Variants in WRNIP1 observed in about 807,000 individuals in gnomAD.
WRNIP1 encodes the protein WRN helicase interacting protein 1.
A neutral mutation model predicts 56.1 loss-of-function variants in WRNIP1; 41 were observed. The observed-to-expected ratio is 0.73, with a 90% CI of 0.57 to 0.95. WRNIP1 has a LOEUF of 0.95. Among genes scored for constraint, WRNIP1 ranks in the 40% least tolerant of loss-of-function variants. The probability of loss-of-function intolerance (pLI) is 0.00; values close to 1 mark genes in which losing one functional copy is unlikely to be tolerated. For missense variants in WRNIP1, 1,170 were observed against 939.4 expected, an observed-to-expected ratio of 1.25 and a Z score of -3.21; for synonymous variants, 547 against 398.1, an observed-to-expected ratio of 1.37 and a Z score of -4.45.
Position 2,765,707 on chromosome 6 carries a change from G to C in WRNIP1, c.85G>C (p.Ala29Pro). Residue 29 changes from alanine to proline, a missense_variant, in exon 1 of 7, where the codon GCC becomes CCC. Coordinates refer to ENST00000380773, the MANE Select transcript of WRNIP1 (RefSeq NM_020135.3). ...CCCCGTGTGCCAGCAGATGATGCCC[G>C]CCGCGCACATCAACTCGCACCTGGA... ...QCPVCQQMMP[A>P]AHINSHLDRC... The C allele has an allele frequency of 6.5e-7, 1 of 1,546,018 alleles. No individual in the cohort carries two copies. The highest frequency in any genetic ancestry group is 1.4e-5 in the African/African-American group (1 of 70,368).
rs776806803 is a variant in WRNIP1, at chr6:2,765,656, C to T, written c.34C>T (p.Leu12Phe). 112 of 1,546,874 alleles carry T rather than the reference C, an allele frequency of 7.2e-5. No individual in the cohort carries two copies. Among genetic ancestry groups the T allele is most frequent in the African/African-American group, 1.7e-4 (12 of 70,190 alleles). Residue 12 changes from leucine (L) to phenylalanine (F), a missense_variant, in exon 1 of 7, where the codon CTT (leucine) becomes TTT (phenylalanine). Physicochemically the swap from Leu to Phe is conservative, Grantham distance 22. Coordinates refer to ENST00000380773, the MANE Select transcript of WRNIP1 (RefSeq NM_020135.3). ...GAGCGGGCCGGAAGACGACCCCTTC[C>T]TTTCGCAGCTGCACCAGGTGCAGTG... is the stretch of plus-strand genomic sequence containing the variant. ...EVSGPEDDPF[L>F]SQLHQVQCPV...
intron 4 of WRNIP1, 141 bp downstream of exon 4, chr6:2,779,633 A>C (rs1391306376): frequency 1.2e-5 from 11 of 890,990 alleles, no homozygotes; most frequent in Middle Eastern, 3.5e-4. Flanking sequence ...GTGGATCTGC[A>C]TGTTGGTATT....
chr6:2,773,851 C>T (rs1765370220), intron 3 of WRNIP1: 2 of 983,426 alleles, frequency 2.0e-6, no homozygotes, highest in Admixed American at 6.2e-5. Context: ...CATAACTGCC[C>T]TCTGCCTAGC....
intron 1 of WRNIP1, among the ~76,000 whole-genome samples, chr6:2,767,713 G>A (rs1418706315): frequency 1.3e-5 from 2 of 152,174 alleles, no homozygotes; most frequent in African/African-American, 4.8e-5. Context: ...GCTGTTGGTG[G>A]CCCCAGACAG....
chr6:2,773,321 A>G (rs756189691), intron 3 of WRNIP1: 71 of 985,322 alleles, frequency 7.2e-5, no homozygotes, highest in Non-Finnish European at 7.8e-5. Flanking sequence ...CTAGGGGAGC[A>G]GGTCCACTTC....
intron 3 of WRNIP1, among the ~76,000 whole-genome samples, chr6:2,776,416 G>A (rs959628189): frequency 1.1e-4 from 17 of 152,196 alleles, no homozygotes; most frequent in African/African-American, 4.1e-4. Flanking sequence ...TGGACGGGGT[G>A]AAATTTAAAA....
Position 2,786,760 on chromosome 6 carries a change from C to A in WRNIP1, c.*1478C>A, listed in dbSNP as rs534757251. On this transcript the variant is annotated 3_prime_UTR_variant, in exon 7 of 7. Coordinates refer to ENST00000380773, the MANE Select transcript of WRNIP1 (RefSeq NM_020135.3). ...TTGAAGGCATCCTGATGTGTGTGGTCTTTTGTTTGTAACCTCTATCAACTT... is the reference window on the plus strand; with the variant it reads ...TTGAAGGCATCCTGATGTGTGTGGTATTTTGTTTGTAACCTCTATCAACTT... 2.0e-5 allele frequency: 3 copies of A among 152,304 alleles called. No individual in the cohort carries two copies. In the East Asian group the frequency reaches 5.8e-4, roughly 29 times the overall value. 9.4% of individuals were successfully genotyped at this position (152,304 alleles called of 1,614,324 possible).
At position 2,765,471 on chromosome 6, in the gene WRNIP1, C is replaced by A; in HGVS notation, c.-152C>A. On this transcript the variant is annotated 5_prime_UTR_variant, in exon 1 of 7. Coordinates refer to ENST00000380773, the MANE Select transcript of WRNIP1 (RefSeq NM_020135.3). ...GGACGCGGGAGCTGCGGACGTGAGG[C>A]ATGAGCGGCGCCCTCCTCCGGCCCG... 1 of 977,168 alleles carries A rather than the reference C, an allele frequency of 1.0e-6. No individual in the cohort carries two copies. Among genetic ancestry groups the A allele is most frequent in the Non-Finnish European group, 1.3e-6 (1 of 756,310 alleles). The allele number at this position is 977,168 out of a possible 1,614,324, so 60.5% of individuals were successfully genotyped here.
At chr6:2,777,702 C>G (rs1231546050) in intron 3 of WRNIP1, among the ~76,000 whole-genome samples, 1 of 152,204 alleles carries the variant, frequency 6.6e-6, no homozygotes, top group East Asian at 1.9e-4. Flanking sequence ...TCATTATCTT[C>G]TAAATCATCT....
intron 4 of WRNIP1, among the ~76,000 whole-genome samples, chr6:2,780,169 C>A (rs1370276861): frequency 6.6e-6 from 1 of 152,202 alleles, no homozygotes; most frequent in African/African-American, 2.4e-5. Context: ...TGTAGATTAG[C>A]AAACTTCTGC....
intron 3 of WRNIP1, among the ~76,000 whole-genome samples, chr6:2,774,750 C>T (rs1765393945): frequency 6.6e-6 from 1 of 152,204 alleles, no homozygotes; most frequent in African/African-American, 2.4e-5. Flanking sequence ...AAGACGTCGT[C>T]ATCTGAAATG....
intron 4 of WRNIP1, among the ~76,000 whole-genome samples, chr6:2,780,775 GTCTC>G (rs371450692): frequency 2.6e-3 from 395 of 152,050 alleles, no homozygotes; most frequent in Non-Finnish European, 3.7e-3. Flanking sequence ...AGCAGCAGCG[GTCTC>G]TCTCTCTCTT....
intron 3 of WRNIP1, among the ~76,000 whole-genome samples, chr6:2,771,683 T>G (rs1309849896): frequency 6.6e-6 from 1 of 152,222 alleles, no homozygotes; most frequent in Non-Finnish European, 1.5e-5. Context: ...CTGGTAAGTA[T>G]ATAATGCAAA....
rs151205770 is a variant in WRNIP1, at chr6:2,785,250, G to A, written c.1966G>A (p.Gly656Arg). 7 of 1,613,926 alleles carry A rather than the reference G, an allele frequency of 4.3e-6. No individual in the cohort carries two copies. The African/African-American group carries it at 6.7e-5, about 15-fold the overall frequency. Residue 656 changes from glycine (G) to arginine (R), a missense_variant, in exon 7 of 7, where the codon GGG (glycine) becomes AGG (arginine). Physicochemically the swap from Gly to Arg is moderately radical, Grantham distance 125. Transcript: ENST00000380773. Reference sequence around the variant, plus strand: ...GGAGTACCTGCCTGAAGAGTTGAGGGGGGTAGATTTCTTCAAGCAGAGGAG... The same window carrying A: ...GGAGTACCTGCCTGAAGAGTTGAGGAGGGTAGATTTCTTCAAGCAGAGGAG... ...DQEYLPEELR[G>R]VDFFKQRRC is the part of the protein sequence containing the mutation.
At position 2,769,155 on chromosome 6, in the gene WRNIP1, G is replaced by A. The variant is rs184292659; in HGVS notation, c.1014+273G>A. 3.7e-3 allele frequency among the ~76,000 whole-genome samples: 566 copies of A among 152,184 alleles called. 3 individuals are homozygous for A. The highest frequency in any genetic ancestry group is 6.9e-3 in the Non-Finnish European group (468 of 67,986). On this transcript the variant is annotated intron_variant, in intron 2 of 6. Transcript: ENST00000380773. Reference sequence around the variant, plus strand: ...CCTTTGAATCAAATTTCCAGTTTTAGGAATTTTTAATCTAAATACTAGGAG... The same window carrying A: ...CCTTTGAATCAAATTTCCAGTTTTAAGAATTTTTAATCTAAATACTAGGAG...
rs1322346220 is a variant in WRNIP1, at chr6:2,767,412, A to AT, written c.822+973dup. 4.6e-5 allele frequency among the ~76,000 whole-genome samples: 7 copies of AT among 152,236 alleles called. No homozygotes were observed. The East Asian group carries it at 5.8e-4, about 13-fold the overall frequency. On this transcript the variant is annotated intron_variant, in intron 1 of 6. Coordinates refer to ENST00000380773, the MANE Select transcript of WRNIP1 (RefSeq NM_020135.3). ...CTCGTTTGCACACAAGGCTTTTATG[A>AT]TTTTTCTCCTATTTTTCTTTCTAGC...
chr6:2,768,668 TC>T, intron 1 of WRNIP1, 22 bp from the exon 2 acceptor site: 1 of 1,567,598 alleles, frequency 6.4e-7, no homozygotes. Context: ...CTTTTCAAAC[TC>T]CATGTATGTC....
At chr6:2,778,254 T>C (rs756285317) in intron 3 of WRNIP1, among the ~76,000 whole-genome samples, 3 of 152,186 alleles carry the variant, frequency 2.0e-5, no homozygotes, top group Non-Finnish European at 4.4e-5. Flanking sequence ...CTAATGGGCT[T>C]ATTATTTACT....
chr6:2,784,971 C>T (rs367934011), intron 6 of WRNIP1, 36 bp from the exon 7 acceptor site: 41 of 1,607,948 alleles, frequency 2.5e-5, no homozygotes, highest in Non-Finnish European at 3.3e-5. Flanking sequence ...AGCTTGGCAT[C>T]TTGCTAGTAA....
Sources: gnomAD v4.1 joint callset for allele counts (sites outside exome capture counted in the v4.1 genomes callset) on GRCh38, gnomAD v4.1.1 for gene constraint, MANE v1.5 for transcripts, NCBI Gene and HGNC (gene_info 2026-07-23, HGNC 2026-07-21) for gene names.